Variants in CA10 observed in about 807,000 individuals in gnomAD.
The protein encoded by CA10 is carbonic anhydrase-related protein 10.
Under a neutral mutation model 44.2 loss-of-function variants are expected in CA10, and 14 were observed. That is an observed-to-expected ratio of 0.32 (90% CI 0.21 to 0.50). The LOEUF (loss-of-function observed/expected upper bound fraction) is 0.50, where lower values mean the gene tolerates loss of function less well. CA10 is among the 20% of genes least tolerant of loss of function. The pLI, the probability that CA10 is intolerant of heterozygous loss-of-function variation, is 0.99. For synonymous variants in CA10, 159 were observed against 141.6 expected, an observed-to-expected ratio of 1.12 and a Z score of -0.87; for missense variants, 350 against 409.7, an observed-to-expected ratio of 0.85 and a Z score of 1.26.
chr17:51,693,070 G>C (rs905823659), intron 4 of CA10, among the ~76,000 whole-genome samples: 1 of 152,174 alleles, frequency 6.6e-6, no homozygotes, highest in Non-Finnish European at 1.5e-5. Context: ...ATTTTTACTA[G>C]TTATAGCCAA....
At chr17:52,155,736 T>C (rs1989790525) in intron 1 of CA10, among the ~76,000 whole-genome samples, 1 of 152,250 alleles carries the variant, frequency 6.6e-6, no homozygotes, top group Non-Finnish European at 1.5e-5. Flanking sequence ...AACCTAGTTT[T>C]CTGTGTTTAG....
At chr17:51,904,320 G>T (rs1981448568) in intron 3 of CA10, among the ~76,000 whole-genome samples, 1 of 152,038 alleles carries the variant, frequency 6.6e-6, no homozygotes, top group South Asian at 2.1e-4. Flanking sequence ...AGGAATATCA[G>T]AGATCTTTCT....
rs200959325 is a variant in CA10, at chr17:51,930,950, C to T, written c.279+40G>A. On this transcript the variant is annotated intron_variant, in intron 3 of 8. Coordinates refer to ENST00000451037, the MANE Select transcript of CA10 (RefSeq NM_020178.5). ...ATTAGCTTTCAGAATCAAGATGGCCCCATCTTCAACTTTACCATGGAAGCA... is the reference window on the plus strand; with the variant it reads ...ATTAGCTTTCAGAATCAAGATGGCCTCATCTTCAACTTTACCATGGAAGCA... 1.5e-3 allele frequency: 2,349 copies of T among 1,608,436 alleles called. 3 individuals carry two copies. The highest frequency in any genetic ancestry group is 1.8e-3 in the Non-Finnish European group (2,147 of 1,177,052).
At chr17:52,080,275 A>G (rs1598204143) in intron 1 of CA10, among the ~76,000 whole-genome samples, 1 of 151,710 alleles carries the variant, frequency 6.6e-6, no homozygotes, top group African/African-American at 2.4e-5. Flanking sequence ...ACACGGCAAA[A>G]CCCCGTCTCT....
intron 3 of CA10, among the ~76,000 whole-genome samples, chr17:51,758,900 C>T (rs1905143903): frequency 1.3e-5 from 2 of 152,064 alleles, no homozygotes; most frequent in South Asian, 2.1e-4. Context: ...CTCATATGGC[C>T]AGTGGGTTCA....
intron 3 of CA10, among the ~76,000 whole-genome samples, chr17:51,779,521 T>G (rs1280587618): frequency 6.6e-6 from 1 of 152,174 alleles, no homozygotes; most frequent in East Asian, 1.9e-4. Flanking sequence ...CAGCAGGTCT[T>G]GAAAAATGCA....
At chr17:52,009,667 A>T (rs186664823) in intron 2 of CA10, among the ~76,000 whole-genome samples, 1 of 152,212 alleles carries the variant, frequency 6.6e-6, no homozygotes, top group African/African-American at 2.4e-5. Flanking sequence ...TGAGATGTTT[A>T]ATTTTAGAGT....
rs535038500 is a variant in CA10 at position 51,834,598 on chromosome 17, T to TA, written c.280-86781dup. 2.0e-5 allele frequency among the ~76,000 whole-genome samples: 3 copies of TA among 152,334 alleles called. No individual in the cohort carries two copies. In the South Asian group the frequency reaches 6.2e-4, roughly 32 times the overall value. On this transcript the variant is annotated intron_variant, in intron 3 of 8. Coordinates refer to ENST00000451037, the MANE Select transcript of CA10 (RefSeq NM_020178.5). ...CTGGCAAGGAGCTGTGAGGATCATG[T>TA]AGCACATGATCTCCCTTCCCCATGA...
intron 3 of CA10, among the ~76,000 whole-genome samples, chr17:51,748,239 G>T (rs182583135): frequency 1.3e-5 from 2 of 152,188 alleles, no homozygotes; most frequent in African/African-American, 4.8e-5. Flanking sequence ...ACAGGGAAGA[G>T]AAAATGAGTG....
At chr17:51,642,589 T>C (rs142320191) in intron 6 of CA10, among the ~76,000 whole-genome samples, 38 of 152,256 alleles carry the variant, frequency 2.5e-4, no homozygotes, top group Admixed American at 9.2e-4. Context: ...CCTTCAGTGG[T>C]GTGGTTTTAT....
chr17:51,698,815 T>A (rs1017125799), intron 4 of CA10, among the ~76,000 whole-genome samples: 1 of 152,198 alleles, frequency 6.6e-6, no homozygotes, highest in African/African-American at 2.4e-5. Flanking sequence ...AGTATTTGCT[T>A]TTCTGTGCCT....
At chr17:51,644,998 A>G (rs908984270) in intron 6 of CA10, among the ~76,000 whole-genome samples, 1 of 151,870 alleles carries the variant, frequency 6.6e-6, no homozygotes, top group East Asian at 1.9e-4. Flanking sequence ...GGGTCTCACC[A>G]TGTTGGTCAG....
chr17:51,630,335 A>ATTT lies in CA10; in HGVS notation c.*1246_*1248dup, dbSNP rs1016905900. On this transcript the variant is annotated 3_prime_UTR_variant, in exon 9 of 9. Coordinates refer to ENST00000451037, the MANE Select transcript of CA10 (RefSeq NM_020178.5). ...GGGTACTGGGTAACTTGTTAAACAC[A>ATTT]TTTATTGATTTCTTGACAGTAACCA... is the stretch of plus-strand genomic sequence containing the variant. 1 of 152,630 alleles carries ATTT rather than the reference A, an allele frequency of 6.6e-6. No individual in the cohort carries two copies. Among genetic ancestry groups the ATTT allele is most frequent in the African/African-American group, 2.4e-5 (1 of 41,448 alleles). The allele number at this position is 152,630 out of a possible 1,614,324, so 9.5% of individuals were successfully genotyped here. A position where few individuals can be genotyped will look rare whatever the true frequency, so the allele number is the denominator to read the frequency against.
intron 2 of CA10, among the ~76,000 whole-genome samples, chr17:52,060,867 T>A (rs1987364991): frequency 6.6e-6 from 1 of 152,188 alleles, no homozygotes; most frequent in African/African-American, 2.4e-5. Context: ...TGACCTGCAT[T>A]GGAAATTTAG....
chr17:51,750,829 T>C (rs1279040242), intron 3 of CA10, among the ~76,000 whole-genome samples: 2 of 152,256 alleles, frequency 1.3e-5, no homozygotes, highest in African/African-American at 4.8e-5. Context: ...ATCTTGGGCT[T>C]CCTAACACTT....
rs141577474 is a variant in CA10 at position 51,823,521 on chromosome 17, CG to C, written c.280-75704del. Reference sequence around the variant, plus strand: ...ATATCTGGGTTCTCCTCTGTTCTCTCGGGAAGGAACAGGATGAAGCCTAGTT... The same window carrying C: ...ATATCTGGGTTCTCCTCTGTTCTCTCGGAAGGAACAGGATGAAGCCTAGTT... On this transcript the variant is annotated intron_variant, in intron 3 of 8. Transcript: ENST00000451037. Among the ~76,000 whole-genome samples, 788 of 152,304 alleles carry C rather than the reference CG, an allele frequency of 5.2e-3. 4 individuals are homozygous for C. The highest frequency in any genetic ancestry group is 0.018 in the African/African-American group (744 of 41,572).
At chr17:51,653,988 C>A (rs1337081642) in intron 4 of CA10, among the ~76,000 whole-genome samples, 1 of 152,194 alleles carries the variant, frequency 6.6e-6, no homozygotes, top group African/African-American at 2.4e-5. Context: ...AAGCTCAGAG[C>A]CCATCTGGCT....
In CA10 at chr17:51,929,873, A is replaced by G. The variant is rs138110955; in HGVS notation, c.279+1117T>C. Among the ~76,000 whole-genome samples, 1,420 of 152,296 alleles carry G rather than the reference A, an allele frequency of 9.3e-3. 12 individuals carry two copies. The highest frequency in any genetic ancestry group is 0.016 in the Non-Finnish European group (1,110 of 68,014). On this transcript the variant is annotated intron_variant, in intron 3 of 8. Coordinates refer to ENST00000451037, the MANE Select transcript of CA10 (RefSeq NM_020178.5). ...GACCTTTCCACAAAAATGCTTCTCA[A>G]GTCATATTTAAAACAGTACACAAAT...
At chr17:52,010,485 G>A (rs999833915) in intron 2 of CA10, among the ~76,000 whole-genome samples, 10 of 152,042 alleles carry the variant, frequency 6.6e-5, no homozygotes, top group Middle Eastern at 3.4e-3. Flanking sequence ...AACCTGGATG[G>A]AAGTGGAGAT....
Sources: allele counts gnomAD v4.1 joint callset (sites outside exome capture counted in the v4.1 genomes callset), GRCh38; gene constraint gnomAD v4.1.1; transcripts MANE v1.5; gene names NCBI Gene and HGNC (gene_info 2026-07-23, HGNC 2026-07-21).